The following HECTD4 variants were observed in gnomAD, a reference collection of about 807,000 sequenced individuals.
HECTD4 encodes the protein probable E3 ubiquitin-protein ligase HECTD4.
Under a neutral mutation model 471.5 loss-of-function variants are expected in HECTD4, and 114 were observed. That is an observed-to-expected ratio of 0.24 (90% CI 0.21 to 0.28). The LOEUF (loss-of-function observed/expected upper bound fraction) is 0.28. HECTD4 is among the 10% of genes least tolerant of loss of function. The pLI, the probability that HECTD4 is intolerant of heterozygous loss-of-function variation, is 1.00. For synonymous variants in HECTD4, 2,012 were observed against 2,256.0 expected (o/e 0.89, Z 3.07); for missense variants, 3,866 against 5,651.5 (o/e 0.68, Z 10.13).
At chr12:112,250,032 T>C in intron 25 of HECTD4, 112 bp downstream of exon 25, 3 of 780,900 alleles carry the variant, frequency 3.8e-6, no homozygotes, top group Middle Eastern at 5.5e-4. Context: ...ATTCATGGAG[T>C]AAACATAAAA....
At chr12:112,360,887 G>A (rs2036435828) in intron 1 of HECTD4, among the ~76,000 whole-genome samples, 1 of 151,858 alleles carries the variant, frequency 6.6e-6, no homozygotes, top group Non-Finnish European at 1.5e-5. Flanking sequence ...GGGAGGCTGA[G>A]GCAGGAGAAT....
At chr12:112,201,478 A>C (rs1191464256) in intron 54 of HECTD4, 1 of 155,532 alleles carries the variant, frequency 6.4e-6, no homozygotes, top group Non-Finnish European at 1.4e-5. Context: ...TTACTGAAAA[A>C]AAAAAATTTC....
In HECTD4 at chr12:112,247,508, C is replaced by T; in HGVS notation, c.4291G>A (p.Val1431Ile). 1 of 1,542,082 alleles carries T rather than the reference C, an allele frequency of 6.5e-7. No individual in the cohort carries two copies. The highest frequency in any genetic ancestry group is 8.8e-7 in the Non-Finnish European group (1 of 1,141,218). ...ELELLCSMKE[V>I]SFDGNDLENM... ...TCAAGATCATTCCCATCAAAGGAGA[C>T]TTCCTTCATTGAACATAAAAGTTCT... The change falls in exon 28 of 76, where the codon GTC becomes ATC. Residue 1431 changes from valine to isoleucine, a missense_variant. Val to Ile is a conservative substitution (Grantham distance 29). This residue lies in a region of HECTD4 where 281 missense variants were observed against 499.9 expected (regional missense o/e 0.56). Coordinates refer to ENST00000682272, the MANE Select transcript of HECTD4 (RefSeq NM_001388303.1).
At chr12:112,332,259 G>A (rs1445406883) in intron 1 of HECTD4, among the ~76,000 whole-genome samples, 2 of 152,070 alleles carry the variant, frequency 1.3e-5, no homozygotes, top group African/African-American at 4.8e-5. Context: ...GGGGCAGGGC[G>A]CGGTGGCTCA....
In HECTD4 at chr12:112,269,725, T is replaced by C; in HGVS notation, c.2300A>G (p.Lys767Arg). 6.2e-7 allele frequency: 1 copy of C among 1,614,026 alleles called. No homozygotes were observed. Among genetic ancestry groups the C allele is most frequent in the Non-Finnish European group, 8.5e-7 (1 of 1,179,884 alleles). ...TTACCTGATGGCAAGGCAGACTTCC[T>C]TCTGAATTTCAGGGCAAATTTGATC... ...PKDQICPEIQ[K>R]EVCLAISSGL... The change falls in exon 13 of 76, where the codon AAG becomes AGG. Residue 767 changes from lysine to arginine, a missense_variant. Around this residue, in one of 16 missense-constraint regions of HECTD4, gnomAD observed 525 missense variants for 672.6 expected, o/e 0.78. Transcript: ENST00000682272.
At chr12:112,290,947 A>G (rs1332400317) in intron 7 of HECTD4, among the ~76,000 whole-genome samples, 1 of 152,026 alleles carries the variant, frequency 6.6e-6, no homozygotes, top group African/African-American at 2.4e-5. Context: ...CCAATTTTTA[A>G]AAGAATATAT....
intron 1 of HECTD4, among the ~76,000 whole-genome samples, chr12:112,360,076 C>T (rs900839445): frequency 6.6e-6 from 1 of 152,242 alleles, no homozygotes; most frequent in African/African-American, 2.4e-5. Context: ...CTTTCCACCA[C>T]TGTCTAGAAA....
intron 60 of HECTD4, 149 bp downstream of exon 60, chr12:112,190,637 C>T: frequency 1.6e-6 from 1 of 622,264 alleles, no homozygotes; most frequent in Non-Finnish European, 2.8e-6. Context: ...TTCCCCAAGC[C>T]CACTTCAAAT....
intron 1 of HECTD4, among the ~76,000 whole-genome samples, chr12:112,347,660 A>G (rs1231646504): frequency 1.3e-5 from 2 of 152,238 alleles, no homozygotes; most frequent in Non-Finnish European, 2.9e-5. Context: ...ATACGTCAGA[A>G]CCCTAGTGGA....
chr12:112,225,221 G>T (rs1036319233), intron 44 of HECTD4, among the ~76,000 whole-genome samples: 1 of 150,398 alleles, frequency 6.6e-6, no homozygotes, highest in Non-Finnish European at 1.5e-5. Flanking sequence ...CAACAGAAAT[G>T]ACCACAATGT....
chr12:112,377,570 T>C lies in HECTD4; in HGVS notation c.177+4382A>G, dbSNP rs553751095. On this transcript the variant is annotated intron_variant, in intron 1 of 75. Coordinates refer to ENST00000682272, the MANE Select transcript of HECTD4 (RefSeq NM_001388303.1). ...TTATTGCTTTAAAAAAAAATCTGTT[T>C]AGAAATTTACTGGGAAGAGGCCGGG... 4.1e-4 allele frequency among the ~76,000 whole-genome samples: 62 copies of C among 152,296 alleles called. 1 individual carries two copies. The highest frequency in any genetic ancestry group is 1.3e-3 in the African/African-American group (56 of 41,576).
intron 62 of HECTD4, among the ~76,000 whole-genome samples, chr12:112,182,340 T>C (rs1348199108): frequency 6.9e-6 from 1 of 144,076 alleles, no homozygotes; most frequent in African/African-American, 2.6e-5. Flanking sequence ...AAGAAAAGAA[T>C]TTTAAAAAGA....
At chr12:112,359,132 G>A (rs371570451) in intron 1 of HECTD4, among the ~76,000 whole-genome samples, 6 of 151,356 alleles carry the variant, frequency 4.0e-5, no homozygotes, top group African/African-American at 1.5e-4. Flanking sequence ...GTCGAGATGG[G>A]CCACTGCACT....
chr12:112,229,613 T>C lies in HECTD4; in HGVS notation c.6519+85A>G, dbSNP rs539435529. ...TTTTTTTGTACAGCTGGTTGGATAA[T>C]ACTTGTCTTACAGATGATCAATTAA... On this transcript the variant is annotated intron_variant, in intron 41 of 75. Transcript: ENST00000682272. 73 of 1,338,026 alleles carry C rather than the reference T, an allele frequency of 5.5e-5. No homozygotes were observed. In the East Asian group the frequency reaches 1.3e-3, roughly 23 times the overall value. The allele number at this position is 1,338,026 out of a possible 1,614,324, so 82.9% of individuals were successfully genotyped here.
intron 7 of HECTD4, among the ~76,000 whole-genome samples, chr12:112,305,715 T>A (rs1157758403): frequency 2.0e-5 from 3 of 152,132 alleles, no homozygotes; most frequent in Non-Finnish European, 4.4e-5. Context: ...TGTTGTTATC[T>A]CTCTCAGAGA....
chr12:112,259,116 C>A lies in HECTD4; in HGVS notation c.3023G>T (p.Ser1008Ile), dbSNP rs776476260. ...PQLVQLVLYT[S>I]QTALLLKTQC... Reference sequence around the variant, plus strand: ...TTGGCACACCAAGGATCATACCTGGCTGGTATAGAGTACCAGCTGCACTAG... The same window carrying A: ...TTGGCACACCAAGGATCATACCTGGATGGTATAGAGTACCAGCTGCACTAG... Residue 1008 changes from serine to isoleucine, a missense_variant, in exon 19 of 76, where the codon AGC becomes ATC. By Grantham distance (142) the Ser-to-Ile change is moderately radical. Around this residue, in one of 16 missense-constraint regions of HECTD4, gnomAD observed 525 missense variants for 672.6 expected, o/e 0.78. Transcript: ENST00000682272. 2 of 1,609,656 alleles carry A rather than the reference C, an allele frequency of 1.2e-6. No individual in the cohort carries two copies. The highest frequency in any genetic ancestry group is 1.7e-6 in the Non-Finnish European group (2 of 1,178,838).
intron 1 of HECTD4, among the ~76,000 whole-genome samples, chr12:112,380,370 G>C (rs556669768): frequency 4.6e-5 from 7 of 151,990 alleles, no homozygotes; most frequent in Non-Finnish European, 8.8e-5. Flanking sequence ...GTTTGAATCC[G>C]GGAGGCAGAG....
chr12:112,338,684 G>A (rs927066811), intron 1 of HECTD4, among the ~76,000 whole-genome samples: 1 of 152,098 alleles, frequency 6.6e-6, no homozygotes, highest in African/African-American at 2.4e-5. Flanking sequence ...ATACAGAAAA[G>A]AAGTTTAACT....
intron 14 of HECTD4, 58 bp from the exon 15 acceptor site, chr12:112,266,041 C>T (rs2034263770): frequency 1.6e-6 from 2 of 1,226,242 alleles, no homozygotes; most frequent in South Asian, 2.6e-5. Flanking sequence ...AATACTGATG[C>T]TATTTTTAAA....
Sources: allele counts gnomAD v4.1 joint callset (sites outside exome capture counted in the v4.1 genomes callset), GRCh38; gene constraint gnomAD v4.1.1; regional missense constraint gnomAD v4.1.1; transcripts MANE v1.5; gene names NCBI Gene and HGNC (gene_info 2026-07-23, HGNC 2026-07-21).